RTCA: variants seen among roughly 807,000 people sequenced by gnomAD.
RTCA encodes the protein RNA terminal phosphate cyclase domain 1.
RTCA carries 37 observed loss-of-function variants against 46.1 expected under a neutral mutation model. That is an observed-to-expected ratio of 0.80 (90% CI 0.62 to 1.06). RTCA has a LOEUF of 1.06. RTCA is among the 50% of genes least tolerant of loss of function. The probability of loss-of-function intolerance (pLI) is 0.00; values close to 1 mark genes in which losing one functional copy is unlikely to be tolerated. For synonymous variants in RTCA, 164 were observed against 158.3 expected, an observed-to-expected ratio of 1.04 and a Z score of -0.27; for missense variants, 435 against 455.5, an observed-to-expected ratio of 0.95 and a Z score of 0.41.
At chr1:100,291,214 G>A (rs1017277936) in intron 10 of RTCA, among the ~76,000 whole-genome samples, 189 bp from the exon 11 acceptor site, 1 of 152,108 alleles carries the variant, frequency 6.6e-6, no homozygotes, top group African/African-American at 2.4e-5. Flanking sequence ...AAGAACCATG[G>A]TTGTACAATG....
intron 3 of RTCA, among the ~76,000 whole-genome samples, chr1:100,269,363 C>CTT (rs61660356): frequency 6.2e-4 from 77 of 123,284 alleles, no homozygotes; most frequent in African/African-American, 1.3e-3. Flanking sequence ...AGCTATCAGT[C>CTT]TTTTTTTTTT....
chr1:100,266,465 G>A (rs745425464), intron 1 of RTCA, 45 bp downstream of exon 1: 9 of 1,607,646 alleles, frequency 5.6e-6, no homozygotes, highest in South Asian at 4.4e-5. Context: ...TAACTAAGGA[G>A]GGGAGCTCTC....
Position 100,287,385 on chromosome 1 carries a change from G to A in RTCA, c.999+182G>A, listed in dbSNP as rs4908054. Reference sequence around the variant, plus strand: ...CTACTCAGCATAACTATTGTAGGTGGCTATTTATTATTATTCCCATTATAA... The same window carrying A: ...CTACTCAGCATAACTATTGTAGGTGACTATTTATTATTATTCCCATTATAA... On this transcript the variant is annotated intron_variant, in intron 10 of 10. Transcript: ENST00000370128. Among the ~76,000 whole-genome samples the A allele has an allele frequency of 0.046, 6,932 of 152,222 alleles. 164 individuals carry two copies. Among genetic ancestry groups the A allele is most frequent in the South Asian group, 0.082 (397 of 4,828 alleles).
chr1:100,272,523 A>T (rs894612962), intron 4 of RTCA, among the ~76,000 whole-genome samples: 2 of 151,366 alleles, frequency 1.3e-5, no homozygotes, highest in Non-Finnish European at 3.0e-5. Context: ...TTCTGCCTTT[A>T]AAAAAAAACA....
In RTCA at chr1:100,270,544, G is replaced by A. The variant is rs759169608; in HGVS notation, c.291-13G>A. 1.2e-6 allele frequency: 2 copies of A among 1,607,930 alleles called. No individual in the cohort carries two copies. The highest frequency in any genetic ancestry group is 2.2e-5 in the East Asian group (1 of 44,832). ...AAGAAAATGAAAATAAGCCCCTTCT[G>A]CCTTCTCCTTAGGAGTGTGTGCCTC... is the stretch of plus-strand genomic sequence containing the variant. On this transcript the variant is annotated splice_polypyrimidine_tract_variant and intron_variant, in intron 3 of 10. Transcript: ENST00000370128.
intron 9 of RTCA, 71 bp from the exon 10 acceptor site, chr1:100,287,028 G>T: frequency 2.0e-6 from 2 of 1,007,526 alleles, no homozygotes; most frequent in African/African-American, 1.7e-5. Flanking sequence ...TTTTTATTAT[G>T]GGCAGCAGTG....
Position 100,286,953 on chromosome 1 carries a change from C to T in RTCA, c.895-146C>T, listed in dbSNP as rs1667065053. ...GGTAACATAGGTTTTCTGTCATCTT[C>T]TGAGTATGTCTGGAAACCTAAAGAA... is the stretch of plus-strand genomic sequence containing the variant. On this transcript the variant is annotated intron_variant, in intron 9 of 10. Transcript: ENST00000370128. 9.0e-6 allele frequency: 5 copies of T among 554,690 alleles called. No homozygotes were observed. In the South Asian group the frequency reaches 1.3e-4, roughly 14 times the overall value. 34.4% of individuals were successfully genotyped at this position (554,690 alleles called of 1,614,324 possible).
chr1:100,287,120 G>A lies in RTCA; in HGVS notation c.916G>A (p.Ala306Thr), dbSNP rs753516567. The change falls in exon 10 of 11, where the codon GCC becomes ACC. Residue 306 changes from alanine to threonine, a missense_variant. Transcript: ENST00000370128. ...ATAGCTGATTGTTTTCATGGCATTA[G>A]CCAATGGAGTTTCCAGAATAAAAAC... is the stretch of plus-strand genomic sequence containing the variant. ...QDQLIVFMAL[A>T]NGVSRIKTGP... 1 of 1,576,466 alleles carries A rather than the reference G, an allele frequency of 6.3e-7. No homozygotes were observed. The highest frequency in any genetic ancestry group is 1.2e-5 in the South Asian group (1 of 84,048).
chr1:100,279,614 A>ATT (rs60866682), intron 8 of RTCA, among the ~76,000 whole-genome samples: 1 of 147,612 alleles, frequency 6.8e-6, no homozygotes, highest in East Asian at 2.0e-4. Flanking sequence ...ATCTCTTAAA[A>ATT]TTTTTTTTTT....
rs574104590 is a variant in RTCA, at chr1:100,287,156, A to C, written c.952A>C (p.Thr318Pro). The change falls in exon 10 of 11, where the codon ACA becomes CCA. Residue 318 changes from threonine to proline, a missense_variant. Coordinates refer to ENST00000370128, the MANE Select transcript of RTCA (RefSeq NM_003729.4). ...TTCCAGAATAAAAACAGGACCAGTT[A>C]CACTCCATACGCAAACCGCGATACA... ...GVSRIKTGPV[T>P]LHTQTAIHFA... 6.3e-7 allele frequency: 1 copy of C among 1,595,522 alleles called. No individual in the cohort carries two copies. The highest frequency in any genetic ancestry group is 8.5e-7 in the Non-Finnish European group (1 of 1,173,012).
At position 100,289,568 on chromosome 1, in the gene RTCA, T is replaced by G. The variant is rs1026340475; in HGVS notation, c.1000-1835T>G. ...TGATGTCAAGAGTGTTAACTCTATT[T>G]TTTTTGTTACTCTACTTATGCTGTA... On this transcript the variant is annotated intron_variant, in intron 10 of 10. Coordinates refer to ENST00000370128, the MANE Select transcript of RTCA (RefSeq NM_003729.4). Among the ~76,000 whole-genome samples, 6 of 152,358 alleles carry G rather than the reference T, an allele frequency of 3.9e-5. 1 individual carries two copies. Among genetic ancestry groups the G allele is most frequent in the Admixed American group, 6.5e-5 (1 of 15,302 alleles).
At chr1:100,272,842 A>C (rs554672307) in intron 4 of RTCA, among the ~76,000 whole-genome samples, 37 of 152,346 alleles carry the variant, frequency 2.4e-4, no homozygotes, top group African/African-American at 7.9e-4. Flanking sequence ...ATATACTGTA[A>C]TTATCATTAT....
intron 9 of RTCA, among the ~76,000 whole-genome samples, chr1:100,286,227 C>T (rs187610498): frequency 1.1e-3 from 173 of 151,978 alleles, no homozygotes; most frequent in African/African-American, 4.0e-3. Context: ...CCGAGGTGGG[C>T]GGATCACGAG....
At chr1:100,270,377 A>G (rs1666018763) in intron 3 of RTCA, among the ~76,000 whole-genome samples, 180 bp from the exon 4 acceptor site, 1 of 152,236 alleles carries the variant, frequency 6.6e-6, no homozygotes, top group African/African-American at 2.4e-5. Flanking sequence ...TTTAAAATTC[A>G]GGATTTTACT....
chr1:100,275,388 T>C (rs1666316807), intron 6 of RTCA, among the ~76,000 whole-genome samples: 1 of 152,012 alleles, frequency 6.6e-6, no homozygotes, highest in African/African-American at 2.4e-5. Context: ...AAATAAAAGA[T>C]GAAATATATG....
At chr1:100,266,893 C>T in intron 2 of RTCA, 2 of 505,484 alleles carry the variant, frequency 4.0e-6, no homozygotes, top group East Asian at 6.1e-5. Context: ...AAAATGTTTT[C>T]TCACCTCACC....
chr1:100,282,001 G>A lies in RTCA; in HGVS notation c.800-3227G>A, dbSNP rs779276774. ...GATTACAGGCGTGAGCCACCGTGCC[G>A]GCCTCATGGCATCTCTCTGATGTCC... is the stretch of plus-strand genomic sequence containing the variant. On this transcript the variant is annotated intron_variant, in intron 8 of 10. Coordinates refer to ENST00000370128, the MANE Select transcript of RTCA (RefSeq NM_003729.4). 4.6e-5 allele frequency among the ~76,000 whole-genome samples: 7 copies of A among 151,952 alleles called. No individual in the cohort carries two copies. In the East Asian group the frequency reaches 5.8e-4, roughly 13 times the overall value.
chr1:100,272,522 TA>T (rs924770136), intron 4 of RTCA, among the ~76,000 whole-genome samples: 8 of 150,918 alleles, frequency 5.3e-5, no homozygotes, highest in Non-Finnish European at 8.9e-5. Context: ...TTTCTGCCTT[TA>T]AAAAAAAACA....
chr1:100,266,423 G>T lies in RTCA; in HGVS notation c.45+3G>T. The T allele has an allele frequency of 6.2e-7, 1 of 1,613,342 alleles. No individual in the cohort carries two copies. The highest frequency in any genetic ancestry group is 8.5e-7 in the Non-Finnish European group (1 of 1,179,630). On this transcript the variant is annotated splice_donor_region_variant and intron_variant, in intron 1 of 10. Transcript: ENST00000370128. ...TCGATGGCAGCATCATGGAAGGGGT[G>T]AGTACAGAGCGAAGCGGCCGGGGCT...
Sources: gnomAD v4.1 joint callset for allele counts (sites outside exome capture counted in the v4.1 genomes callset) on GRCh38, gnomAD v4.1.1 for gene constraint, MANE v1.5 for transcripts, NCBI Gene and HGNC (gene_info 2026-07-23, HGNC 2026-07-21) for gene names.